Variants in GPR65 observed in about 807,000 individuals in gnomAD.
The protein encoded by GPR65 is T-cell death-associated gene 8 protein.
Under a neutral mutation model 0.7 loss-of-function variants are expected in GPR65, and 2 were observed. The observed-to-expected ratio is 2.83, with a 90% CI of 1.16 to 8.92. The LOEUF (loss-of-function observed/expected upper bound fraction) is 8.92, where lower values mean the gene tolerates loss of function less well. GPR65 is among the 30% of genes most tolerant of loss of function. The pLI, the probability that GPR65 is intolerant of heterozygous loss-of-function variation, is 0.04. For missense variants in GPR65, 379 were observed against 399.4 expected, an observed-to-expected ratio of 0.95 and a Z score of 0.43; for synonymous variants, 128 against 146.5, an observed-to-expected ratio of 0.87 and a Z score of 0.91.
rs1328478019 is a variant in GPR65, at chr14:88,014,553, A to G, written c.*2692A>G. Reference sequence around the variant, plus strand: ...CATGTTCTAATTTACTAGCATTTGCATATTTTAGAAATATAATGGCCTGTA... The same window carrying G: ...CATGTTCTAATTTACTAGCATTTGCGTATTTTAGAAATATAATGGCCTGTA... On this transcript the variant is annotated 3_prime_UTR_variant, in exon 2 of 2. Coordinates refer to ENST00000267549, the MANE Select transcript of GPR65 (RefSeq NM_003608.4). The G allele has an allele frequency of 3.3e-5, 5 of 152,244 alleles. No homozygotes were observed. Among genetic ancestry groups the G allele is most frequent in the African/African-American group, 4.8e-5 (2 of 41,472 alleles). The allele number at this position is 152,244 out of a possible 1,614,324, so 9.4% of individuals were successfully genotyped here.
At position 88,013,977 on chromosome 14, in the gene GPR65, C is replaced by A. The variant is rs942064475; in HGVS notation, c.*2116C>A. On this transcript the variant is annotated 3_prime_UTR_variant, in exon 2 of 2. Coordinates refer to ENST00000267549, the MANE Select transcript of GPR65 (RefSeq NM_003608.4). ...ACGGGACCTCTTATTAATAGTTCAC[C>A]ACTAGCCGCCACTCCAGAAGAGCGG... The A allele has an allele frequency of 6.6e-6, 1 of 152,156 alleles. No homozygotes were observed. Among genetic ancestry groups the A allele is most frequent in the African/African-American group, 2.4e-5 (1 of 41,430 alleles). 9.4% of individuals were successfully genotyped at this position (152,156 alleles called of 1,614,324 possible).
At chr14:88,008,070 A>G (rs1887622013) in intron 1 of GPR65, among the ~76,000 whole-genome samples, 1 of 152,158 alleles carries the variant, frequency 6.6e-6, no homozygotes, top group African/African-American at 2.4e-5. Context: ...AAAAAGGCAT[A>G]TATGTTCCAT....
chr14:88,013,503 T>C lies in GPR65; in HGVS notation c.*1642T>C, dbSNP rs1268987512. 2 of 152,218 alleles carry C rather than the reference T, an allele frequency of 1.3e-5. No homozygotes were observed. The highest frequency in any genetic ancestry group is 4.8e-5 in the African/African-American group (2 of 41,432). The allele number at this position is 152,218 out of a possible 1,614,324, so 9.4% of individuals were successfully genotyped here. On this transcript the variant is annotated 3_prime_UTR_variant, in exon 2 of 2. Coordinates refer to ENST00000267549, the MANE Select transcript of GPR65 (RefSeq NM_003608.4). ...CTCTTTGCTTTCCTTTTCTTGCCTGTTCTTTCCACTCCCCCCAAAATGATC... is the reference window on the plus strand; with the variant it reads ...CTCTTTGCTTTCCTTTTCTTGCCTGCTCTTTCCACTCCCCCCAAAATGATC...
At position 88,011,743 on chromosome 14, in the gene GPR65, A is replaced by G; in HGVS notation, c.896A>G (p.Tyr299Cys). 1.9e-6 allele frequency: 3 copies of G among 1,613,354 alleles called. No individual in the cohort carries two copies. The stretch of plus-strand genomic sequence containing the variant: ...TGTTTTGTAACCGAAACAGGAAGAT[A>G]TGATATGTGGAATATATTAAAATTC... ...LYCFVTETGR[Y>C]DMWNILKFCT... Residue 299 changes from tyrosine (Y) to cysteine (C), a missense_variant, in exon 2 of 2, where the codon TAT becomes TGT. By Grantham distance (194) the Tyr-to-Cys change is radical (BLOSUM62 -2). Transcript: ENST00000267549.
chr14:88,005,509 C>T (rs1887580952), intron 1 of GPR65, among the ~76,000 whole-genome samples: 1 of 152,154 alleles, frequency 6.6e-6, no homozygotes, highest in Non-Finnish European at 1.5e-5. Context: ...CTTTGGCAAA[C>T]TTCATTCAGT....
At position 88,010,508 on chromosome 14, in the gene GPR65, T is replaced by C; in HGVS notation, c.-340T>C. ...AAAACAAATTGCGGACAACTCTCTA[T>C]GTACACTTACAAATGCCTCAGTTGA... On this transcript the variant is annotated 5_prime_UTR_variant, in exon 2 of 2. The change abolishes an upstream ATG in the 5' untranslated region. Coordinates refer to ENST00000267549, the MANE Select transcript of GPR65 (RefSeq NM_003608.4). The C allele has an allele frequency of 4.4e-6, 1 of 228,506 alleles. No homozygotes were observed. Among genetic ancestry groups the C allele is most frequent in the Non-Finnish European group, 8.7e-6 (1 of 115,504 alleles). 14.2% of individuals were successfully genotyped at this position (228,506 alleles called of 1,614,324 possible).
At chr14:88,008,002 T>G (rs1174805281) in intron 1 of GPR65, among the ~76,000 whole-genome samples, 1 of 152,180 alleles carries the variant, frequency 6.6e-6, no homozygotes, top group African/African-American at 2.4e-5. Flanking sequence ...ATTATTTATT[T>G]ATTGTTTTCT....
chr14:88,011,785 A>G lies in GPR65; in HGVS notation c.938A>G (p.Asn313Ser), dbSNP rs1487204577. The stretch of plus-strand genomic sequence containing the variant: ...TTAAAATTCTGCACTGGGAGGTGTA[A>G]TACATCACAAAGACAAAGAAAACGC... The part of the protein sequence containing the change: ...NILKFCTGRC[N>S]TSQRQRKRIL... The change falls in exon 2 of 2, where the codon AAT becomes AGT. Residue 313 changes from asparagine (N) to serine (S), a missense_variant. Transcript: ENST00000267549. 6.2e-7 allele frequency: 1 copy of G among 1,608,244 alleles called. No individual in the cohort carries two copies. The highest frequency in any genetic ancestry group is 8.5e-7 in the Non-Finnish European group (1 of 1,176,290).
chr14:88,011,093 C>T lies in GPR65; in HGVS notation c.246C>T (p.Phe82=), dbSNP rs1245099139. ...CCTGGAATAAAGACAACTGGACTTT[C>T]TCTCCTGCCTTGTGCAAAGGGAGTG... ...DYTWNKDNWT[F]SPALCKGSAF... The change falls in exon 2 of 2, where the codon TTC becomes TTT. Residue 82 remains phenylalanine, a synonymous_variant. Coordinates refer to ENST00000267549, the MANE Select transcript of GPR65 (RefSeq NM_003608.4). 6.2e-7 allele frequency: 1 copy of T among 1,613,840 alleles called. No individual in the cohort carries two copies. The highest frequency in any genetic ancestry group is 1.3e-5 in the African/African-American group (1 of 74,924).
chr14:88,011,710 T>G lies in GPR65; in HGVS notation c.863T>G (p.Ile288Ser). ...LTSLNCVADP[I>S]LYCFVTETGR... ...AGTTTAAATTGTGTTGCTGATCCAA[T>G]TCTGTACTGTTTTGTAACCGAAACA... The change falls in exon 2 of 2, where the codon ATT (isoleucine) becomes AGT (serine). Residue 288 changes from isoleucine to serine, a missense_variant. Ile to Ser is a moderately radical substitution (Grantham distance 142). Coordinates refer to ENST00000267549, the MANE Select transcript of GPR65 (RefSeq NM_003608.4). 6.2e-7 allele frequency: 1 copy of G among 1,613,958 alleles called. No individual in the cohort carries two copies. The highest frequency in any genetic ancestry group is 8.5e-7 in the Non-Finnish European group (1 of 1,179,872).
Position 88,012,006 on chromosome 14 carries a change from A to C in GPR65, c.*145A>C. 1.6e-6 allele frequency: 1 copy of C among 614,896 alleles called. No individual in the cohort carries two copies. Among genetic ancestry groups the C allele is most frequent in the South Asian group, 2.3e-5 (1 of 42,952 alleles). 38.1% of individuals were successfully genotyped at this position (614,896 alleles called of 1,614,324 possible). ...TAATCCAGTCCAATAAAAATATCTT[A>C]AAACTGCATTGTACAGCTCCCTCCC... On this transcript the variant is annotated 3_prime_UTR_variant, in exon 2 of 2. Transcript: ENST00000267549.
chr14:88,012,594 A>G lies in GPR65; in HGVS notation c.*733A>G, dbSNP rs1368152969. ...TTTCATATAAATAGAATTATACAAT[A>G]TGTGGCCTACTGTGACGTATTTCAC... On this transcript the variant is annotated 3_prime_UTR_variant, in exon 2 of 2. Transcript: ENST00000267549. 4.6e-5 allele frequency: 7 copies of G among 152,340 alleles called. No homozygotes were observed. The East Asian group carries it at 1.3e-3, about 29-fold the overall frequency. The allele number at this position is 152,340 out of a possible 1,614,324, so 9.4% of individuals were successfully genotyped here. A position where few individuals can be genotyped will look rare whatever the true frequency, so the allele number is the denominator to read the frequency against.
Position 88,011,804 on chromosome 14 carries a change from A to C in GPR65, c.957A>C (p.Arg319Ser). ...TGRCNTSQRQ[R>S]KRILSVSTKD... is the part of the protein sequence containing the mutation. ...GGTGTAATACATCACAAAGACAAAGAAAACGCATACTTTCTGTGTCTACAA... is the reference window on the plus strand; with the variant it reads ...GGTGTAATACATCACAAAGACAAAGCAAACGCATACTTTCTGTGTCTACAA... Residue 319 changes from arginine (R) to serine (S), a missense_variant, in exon 2 of 2, where the codon AGA becomes AGC. Arg to Ser is a moderately radical substitution (Grantham distance 110, BLOSUM62 -1). Coordinates refer to ENST00000267549, the MANE Select transcript of GPR65 (RefSeq NM_003608.4). 1.2e-6 allele frequency: 2 copies of C among 1,601,896 alleles called. No individual in the cohort carries two copies. Among genetic ancestry groups the C allele is most frequent in the Non-Finnish European group, 1.7e-6 (2 of 1,172,708 alleles).
chr14:88,009,921 A>G (rs1302228302), intron 1 of GPR65, among the ~76,000 whole-genome samples: 1 of 152,204 alleles, frequency 6.6e-6, no homozygotes, highest in Non-Finnish European at 1.5e-5. Flanking sequence ...ACTTTATTGT[A>G]TTTCTATTAT....
Position 88,008,588 on chromosome 14 carries a change from A to G in GPR65, c.-459-1801A>G, listed in dbSNP as rs2139781617. On this transcript the variant is annotated intron_variant, in intron 1 of 1. Transcript: ENST00000267549. Reference sequence around the variant, plus strand: ...ATTCTAGTTAAGGGATATTACAAGTAGTGTTACTGTGAATATTCTAATTCT... The same window carrying G: ...ATTCTAGTTAAGGGATATTACAAGTGGTGTTACTGTGAATATTCTAATTCT... 2.0e-5 allele frequency among the ~76,000 whole-genome samples: 3 copies of G among 152,302 alleles called. No individual in the cohort carries two copies. In the South Asian group the frequency reaches 6.2e-4, roughly 32 times the overall value.
At chr14:88,010,085 G>T (rs1045452878) in intron 1 of GPR65, among the ~76,000 whole-genome samples, 5 of 152,126 alleles carry the variant, frequency 3.3e-5, no homozygotes, top group African/African-American at 1.2e-4. Context: ...TTTATCTTTA[G>T]CTGCTGAAAT....
rs748655974 is a variant in GPR65, at chr14:88,011,333, C to T, written c.486C>T (p.Ala162=). The T allele has an allele frequency of 1.6e-5, 26 of 1,613,766 alleles. No homozygotes were observed. The highest frequency in any genetic ancestry group is 4.0e-5 in the African/African-American group (3 of 74,858). ...EDETVVEYCD[A]EKSNFTLCYD... ...AAACAGTTGTTGAATATTGCGATGC[C>T]GAAAAGTCTAATTTTACTTTATGCT... The change falls in exon 2 of 2, where the codon GCC becomes GCT. Residue 162 remains alanine (A), a synonymous_variant. Transcript: ENST00000267549.
intron 1 of GPR65, among the ~76,000 whole-genome samples, chr14:88,007,591 A>G (rs1887612605): frequency 1.3e-5 from 2 of 150,932 alleles, no homozygotes; most frequent in Non-Finnish European, 1.5e-5. Flanking sequence ...CTTTCTAAAA[A>G]TATGGCTTGT....
Position 88,011,183 on chromosome 14 carries a change from G to A in GPR65, c.336G>A (p.Arg112=), listed in dbSNP as rs1887673245. The part of the protein sequence containing the change: ...TAFLTCIAVD[R]YLAVVYPLKF... ...TCCTCACCTGCATTGCCGTTGATCG[G>A]TATTTGGCTGTTGTCTACCCTTTGA... Residue 112 remains arginine (R), a synonymous_variant, in exon 2 of 2, where the codon CGG becomes CGA. Coordinates refer to ENST00000267549, the MANE Select transcript of GPR65 (RefSeq NM_003608.4). 3.1e-6 allele frequency: 5 copies of A among 1,613,724 alleles called. No homozygotes were observed. The highest frequency in any genetic ancestry group is 4.2e-6 in the Non-Finnish European group (5 of 1,179,866).
Sources: gnomAD v4.1 joint callset for allele counts (sites outside exome capture counted in the v4.1 genomes callset) on GRCh38, gnomAD v4.1.1 for gene constraint, MANE v1.5 for transcripts, NCBI Gene and HGNC (gene_info 2026-07-23, HGNC 2026-07-21) for gene names.